The following SIL1 variants were observed in gnomAD, a reference collection of about 807,000 sequenced individuals.
SIL1 encodes nucleotide exchange factor SIL1.
In SIL1, 40 loss-of-function variants were observed where a neutral mutation model predicts 49.1. The observed-to-expected ratio is 0.81, with a 90% confidence interval of 0.63 to 1.06. The LOEUF is 1.06. Ranked by LOEUF, SIL1 falls within the 50% of genes least tolerant of loss-of-function variation. The probability of loss-of-function intolerance (pLI) is 0.00; values close to 1 mark genes in which losing one functional copy is unlikely to be tolerated. For synonymous variants in SIL1, 253 were observed against 250.8 expected (o/e 1.01, Z -0.08); for missense variants, 500 against 572.6 (o/e 0.87, Z 1.29).
Position 139,084,980 on chromosome 5 carries a change from G to T in SIL1, c.245-33934C>A, listed in dbSNP as rs977122129. 5.3e-5 allele frequency among the ~76,000 whole-genome samples: 8 copies of T among 152,100 alleles called. No individual in the cohort carries two copies. The East Asian group carries it at 1.5e-3, about 29-fold the overall frequency. ...GGAATCATACCATACATACTGTTGT[G>T]CAACATGCTTCACCATCTAGCAGCA... is the stretch of plus-strand genomic sequence containing the variant. On this transcript the variant is annotated intron_variant, in intron 3 of 9. Coordinates refer to ENST00000394817, the MANE Select transcript of SIL1 (RefSeq NM_022464.5).
chr5:138,951,937 A>AT lies in SIL1; in HGVS notation c.768-54dup, dbSNP rs878939589. 2.4e-5 allele frequency: 36 copies of AT among 1,501,116 alleles called. 1 individual carries two copies. In the South Asian group the frequency reaches 3.8e-4, roughly 16 times the overall value. The allele number at this position is 1,501,116 out of a possible 1,614,324, so 93.0% of individuals were successfully genotyped here. On this transcript the variant is annotated intron_variant, in intron 7 of 9. Transcript: ENST00000394817. Reference sequence around the variant, plus strand: ...CTACCCTGCCCAGCCCAGGGATCGGATGGTCAGGGAACTGAGCCCATGTCA... The same window carrying AT: ...CTACCCTGCCCAGCCCAGGGATCGGATTGGTCAGGGAACTGAGCCCATGTCA...
intron 7 of SIL1, among the ~76,000 whole-genome samples, chr5:139,005,030 G>A (rs991179802): frequency 6.6e-6 from 1 of 152,108 alleles, no homozygotes; most frequent in African/African-American, 2.4e-5. Context: ...AATTTCAGAT[G>A]GACAGGAGGA....
chr5:139,189,722 G>A (rs1326443225), intron 1 of SIL1, among the ~76,000 whole-genome samples: 1 of 152,204 alleles, frequency 6.6e-6, no homozygotes, highest in African/African-American at 2.4e-5. Flanking sequence ...TCAGGAAGCT[G>A]AGGCAGGAGA....
intron 3 of SIL1, among the ~76,000 whole-genome samples, chr5:139,091,971 A>C (rs1387051658): frequency 6.6e-6 from 1 of 152,184 alleles, no homozygotes; most frequent in Non-Finnish European, 1.5e-5. Context: ...GGACTGTGTG[A>C]GATCTTAGGC....
At chr5:139,143,477 T>C (rs989941133) in intron 1 of SIL1, among the ~76,000 whole-genome samples, 7 of 151,740 alleles carry the variant, frequency 4.6e-5, no homozygotes, top group African/African-American at 1.7e-4. Context: ...TTCAAGCGAT[T>C]CTCATGCCTC....
rs565655156 is a variant in SIL1, at chr5:139,175,792, G to A, written c.-11+22477C>T. ...AGCCTGGGCAACATGGTGAAAACCC[G>A]TCTCTACTAAAAATACAAAAATCAA... On this transcript the variant is annotated intron_variant, in intron 1 of 9. Coordinates refer to ENST00000394817, the MANE Select transcript of SIL1 (RefSeq NM_022464.5). Among the ~76,000 whole-genome samples the A allele has an allele frequency of 5.9e-5, 9 of 152,102 alleles. No homozygotes were observed. The South Asian group carries it at 1.5e-3, about 25-fold the overall frequency.
At chr5:138,982,395 G>C (rs1767547151) in intron 7 of SIL1, among the ~76,000 whole-genome samples, 1 of 152,310 alleles carries the variant, frequency 6.6e-6, no homozygotes, top group East Asian at 1.9e-4. Context: ...CCCTCCATTA[G>C]GAAAAGGTGA....
chr5:139,060,699 T>C (rs1257149908), intron 3 of SIL1, among the ~76,000 whole-genome samples: 1 of 152,154 alleles, frequency 6.6e-6, no homozygotes, highest in Non-Finnish European at 1.5e-5. Context: ...AGAAATATAT[T>C]CCTCCACCAT....
chr5:139,148,817 T>A (rs559440342), intron 1 of SIL1, among the ~76,000 whole-genome samples: 2 of 152,294 alleles, frequency 1.3e-5, no homozygotes, highest in African/African-American at 4.8e-5. Flanking sequence ...TCTCTATCAC[T>A]CAGCCCCTTC....
intron 3 of SIL1, among the ~76,000 whole-genome samples, chr5:139,081,088 T>G (rs1561854617): frequency 6.6e-6 from 1 of 152,188 alleles, no homozygotes; most frequent in Non-Finnish European, 1.5e-5. Context: ...TCAATGTTGA[T>G]CCACGTGATA....
chr5:139,066,226 A>T (rs1769701272), intron 3 of SIL1, among the ~76,000 whole-genome samples: 1 of 152,112 alleles, frequency 6.6e-6, no homozygotes, highest in South Asian at 2.1e-4. Context: ...GCCTAACCTA[A>T]TGAAATCCTT....
At chr5:139,086,231 C>G (rs1056614876) in intron 3 of SIL1, among the ~76,000 whole-genome samples, 1 of 146,000 alleles carries the variant, frequency 6.8e-6, no homozygotes, top group Non-Finnish European at 1.5e-5. Context: ...CATGACTGCA[C>G]CACTGCACTC....
chr5:138,969,447 A>G (rs1561809616), intron 7 of SIL1, among the ~76,000 whole-genome samples: 1 of 152,148 alleles, frequency 6.6e-6, no homozygotes, highest in Admixed American at 6.5e-5. Flanking sequence ...TACCAGCCCA[A>G]CTTTCCATGC....
At chr5:139,044,470 A>C (rs985252881) in intron 4 of SIL1, among the ~76,000 whole-genome samples, 1 of 152,108 alleles carries the variant, frequency 6.6e-6, no homozygotes, top group African/African-American at 2.4e-5. Flanking sequence ...ACATACACAC[A>C]AGCATGCACA....
intron 3 of SIL1, among the ~76,000 whole-genome samples, chr5:139,075,069 C>T (rs1402475137): frequency 6.6e-6 from 1 of 152,076 alleles, no homozygotes; most frequent in Non-Finnish European, 1.5e-5. Context: ...ATGATCTGCC[C>T]GCCTTGGCCT....
intron 7 of SIL1, among the ~76,000 whole-genome samples, chr5:138,982,494 C>A (rs887212166): frequency 1.1e-4 from 16 of 152,228 alleles, no homozygotes; most frequent in African/African-American, 3.9e-4. Flanking sequence ...CTGTTAATAA[C>A]AACAACAACT....
chr5:139,071,383 T>G (rs1769831256), intron 3 of SIL1, among the ~76,000 whole-genome samples: 1 of 152,092 alleles, frequency 6.6e-6, no homozygotes, highest in Non-Finnish European at 1.5e-5. Flanking sequence ...AGTGGTTACA[T>G]TTGGTAGGAG....
chr5:139,137,050 C>A (rs2151799727), intron 1 of SIL1, among the ~76,000 whole-genome samples: 1 of 152,346 alleles, frequency 6.6e-6, no homozygotes, highest in East Asian at 1.9e-4. Flanking sequence ...AGGCTTTAGT[C>A]CTTCCACTTT....
At chr5:139,103,586 A>G (rs1770638039) in intron 3 of SIL1, among the ~76,000 whole-genome samples, 1 of 152,236 alleles carries the variant, frequency 6.6e-6, no homozygotes. Context: ...CAGCAGTACT[A>G]AACATGGGCA....
Sources: gnomAD v4.1 joint callset for allele counts (sites outside exome capture counted in the v4.1 genomes callset) on GRCh38, gnomAD v4.1.1 for gene constraint, MANE v1.5 for transcripts, NCBI Gene and HGNC (gene_info 2026-07-23, HGNC 2026-07-21) for gene names.